TOGARAM1: variants seen among roughly 807,000 people sequenced by gnomAD.
TOGARAM1 encodes the protein TOG array regulator of axonemal microtubules protein 1.
A neutral mutation model predicts 166.6 loss-of-function variants in TOGARAM1; 100 were observed. The ratio of observed to expected loss-of-function variants is 0.60; its 90% CI spans 0.51 to 0.71. The LOEUF (loss-of-function observed/expected upper bound fraction) is 0.71. Ranked by LOEUF, TOGARAM1 falls within the 30% of genes least tolerant of loss-of-function variation. The pLI is 0.00. For synonymous variants in TOGARAM1, 758 were observed against 763.8 expected (o/e 0.99, Z 0.13); for missense variants, 2,029 against 2,102.7 (o/e 0.96, Z 0.69).
rs773809463 is a variant in TOGARAM1, at chr14:45,073,343, A to G, written c.5104A>G (p.Lys1702Glu). The G allele has an allele frequency of 3.7e-6, 6 of 1,614,214 alleles. No homozygotes were observed. Among genetic ancestry groups the G allele is most frequent in the South Asian group, 1.1e-5 (1 of 91,088 alleles). ...AAGGAAGCCGCATGCCACAGAGCAG[A>G]AAGTGTTGGTTGTTTTATGGCATCT... Reference protein sequence around the residue: ...YQRKPHATEQKVLVVLWHLLG... With the variant: ...YQRKPHATEQEVLVVLWHLLG... The change falls in exon 20 of 20, where the codon AAA becomes GAA. Residue 1702 changes from lysine to glutamate, a missense_variant. By Grantham distance (56) the Lys-to-Glu change is moderately conservative. Transcript: ENST00000361462.
intron 1 of TOGARAM1, among the ~76,000 whole-genome samples, chr14:44,970,465 A>G (rs1229656455): frequency 1.3e-5 from 2 of 152,138 alleles, no homozygotes; most frequent in African/African-American, 2.4e-5. Context: ...GAGACTTTCT[A>G]TGCAGACAAT....
intron 16 of TOGARAM1, among the ~76,000 whole-genome samples, chr14:45,064,518 T>C (rs920448004): frequency 1.3e-5 from 2 of 152,152 alleles, no homozygotes; most frequent in Non-Finnish European, 2.9e-5. Flanking sequence ...TCATCCAGGC[T>C]GGAGTGCAAT....
intron 12 of TOGARAM1, among the ~76,000 whole-genome samples, chr14:45,044,133 C>A (rs1486792700): frequency 6.6e-6 from 1 of 152,000 alleles, no homozygotes; most frequent in Non-Finnish European, 1.5e-5. Flanking sequence ...CCTCAGTCTC[C>A]CAAGTAGCTG....
intron 16 of TOGARAM1, among the ~76,000 whole-genome samples, chr14:45,065,687 G>A (rs1038992717): frequency 5.3e-5 from 8 of 152,254 alleles, no homozygotes; most frequent in African/African-American, 1.7e-4. Flanking sequence ...AACATAACAG[G>A]GCCCAAGACT....
chr14:45,036,466 A>G (rs1881443796), intron 11 of TOGARAM1, among the ~76,000 whole-genome samples: 1 of 152,228 alleles, frequency 6.6e-6, no homozygotes, highest in African/African-American at 2.4e-5. Context: ...TAGAGATTCA[A>G]AAAGATGTAT....
At chr14:45,003,134 T>A (rs184018678) in intron 3 of TOGARAM1, among the ~76,000 whole-genome samples, 2 of 152,268 alleles carry the variant, frequency 1.3e-5, no homozygotes, top group African/African-American at 4.8e-5. Context: ...CTCCTATATC[T>A]CTCTACCTAG....
chr14:45,021,674 A>T (rs1251113409), intron 7 of TOGARAM1, among the ~76,000 whole-genome samples: 2 of 152,048 alleles, frequency 1.3e-5, no homozygotes, highest in African/African-American at 4.8e-5. Flanking sequence ...CAGCCACTTT[A>T]ACCGCGGTTG....
At chr14:44,966,499 T>A (rs752158438) in intron 1 of TOGARAM1, among the ~76,000 whole-genome samples, 1 of 152,218 alleles carries the variant, frequency 6.6e-6, no homozygotes, top group South Asian at 2.1e-4. Flanking sequence ...CTAAAATAAA[T>A]TAATTACAAA....
rs1409178696 is a variant in TOGARAM1 at position 44,995,797 on chromosome 14, A to G, written c.2098A>G (p.Met700Val). The change falls in exon 2 of 20, where the codon ATG becomes GTG. Residue 700 changes from methionine to valine, a missense_variant. Met to Val is a conservative substitution (Grantham distance 21). Coordinates refer to ENST00000361462, the MANE Select transcript of TOGARAM1 (RefSeq NM_001308120.2). The part of the protein sequence containing the change: ...PSAKLKLSQG[M>V]PVNDDLCFSR... ...TGCAAAATTAAAGCTTTCTCAAGGA[A>G]TGCCAGTCAATGATGATTTATGTTT... is the stretch of plus-strand genomic sequence containing the variant. 1.2e-6 allele frequency: 2 copies of G among 1,603,228 alleles called. No homozygotes were observed. The highest frequency in any genetic ancestry group is 1.1e-5 in the South Asian group (1 of 88,632).
At chr14:44,965,202 A>G (rs929488986) in intron 1 of TOGARAM1, among the ~76,000 whole-genome samples, 3 of 152,180 alleles carry the variant, frequency 2.0e-5, no homozygotes, top group Non-Finnish European at 4.4e-5. Flanking sequence ...ATCTCGGCAT[A>G]TATCTCCTAA....
At chr14:45,018,168 T>C (rs1465596523) in intron 7 of TOGARAM1, among the ~76,000 whole-genome samples, 1 of 152,156 alleles carries the variant, frequency 6.6e-6, no homozygotes, top group Admixed American at 6.5e-5. Flanking sequence ...TGTAAGTAAA[T>C]AAAAAGCTGT....
At chr14:45,069,200 C>T (rs1883271084) in intron 18 of TOGARAM1, among the ~76,000 whole-genome samples, 2 of 151,910 alleles carry the variant, frequency 1.3e-5, no homozygotes, top group African/African-American at 4.8e-5. Flanking sequence ...GAAACCCCAT[C>T]TCTACTATAA....
At chr14:44,993,645 C>A (rs1352297506) in intron 1 of TOGARAM1, among the ~76,000 whole-genome samples, 2 of 152,118 alleles carry the variant, frequency 1.3e-5, no homozygotes, top group Non-Finnish European at 2.9e-5. Flanking sequence ...AAATCTTTTA[C>A]TTTTAAGAGA....
At chr14:45,047,921 T>G (rs1176973728) in intron 14 of TOGARAM1, among the ~76,000 whole-genome samples, 2 of 151,702 alleles carry the variant, frequency 1.3e-5, no homozygotes, top group African/African-American at 4.8e-5. Context: ...CCAGGCATGG[T>G]GGCACATGCC....
intron 1 of TOGARAM1, among the ~76,000 whole-genome samples, chr14:44,975,453 C>T (rs1460362016): frequency 2.0e-5 from 3 of 151,928 alleles, no homozygotes; most frequent in Non-Finnish European, 2.9e-5. Context: ...CCTAAACCAC[C>T]GTTCCCCTTT....
Position 44,963,706 on chromosome 14 carries a change from G to A in TOGARAM1, c.1285G>A (p.Val429Ile), listed in dbSNP as rs765929204. 37 of 1,613,774 alleles carry A rather than the reference G, an allele frequency of 2.3e-5. No homozygotes were observed. Among genetic ancestry groups the A allele is most frequent in the Non-Finnish European group, 2.8e-5 (33 of 1,180,028 alleles). Residue 429 changes from valine to isoleucine, a missense_variant, in exon 1 of 20, where the codon GTA becomes ATA. Physicochemically the swap from Val to Ile is conservative, Grantham distance 29. Around this residue, in one of 2 missense-constraint regions of TOGARAM1, gnomAD observed 1,453 missense variants for 1,432.2 expected, o/e 1.01. Transcript: ENST00000361462. ...HLLVIRLGEQVQQFLGPVIAA... is the reference protein window; with the variant it reads ...HLLVIRLGEQIQQFLGPVIAA... ...ACTGGTTATTCGCCTTGGAGAGCAG[G>A]TACAGCAGTTCTTGGGACCAGTTAT... is the stretch of plus-strand genomic sequence containing the variant.
intron 7 of TOGARAM1, among the ~76,000 whole-genome samples, chr14:45,020,626 T>C (rs574164665): frequency 6.6e-6 from 1 of 151,718 alleles, no homozygotes; most frequent in South Asian, 2.1e-4. Flanking sequence ...GCACTAAGAA[T>C]GAGAGGAAGC....
intron 11 of TOGARAM1, among the ~76,000 whole-genome samples, chr14:45,037,186 C>T (rs1252905968): frequency 1.3e-5 from 2 of 152,180 alleles, no homozygotes; most frequent in Non-Finnish European, 2.9e-5. Context: ...TTATTATGTG[C>T]CACACACACA....
intron 18 of TOGARAM1, among the ~76,000 whole-genome samples, chr14:45,069,679 A>C (rs1009973673): frequency 6.6e-6 from 1 of 152,166 alleles, no homozygotes; most frequent in East Asian, 1.9e-4. Flanking sequence ...TCACCACACA[A>C]GTATTAGAAC....
Sources: allele counts gnomAD v4.1 joint callset (sites outside exome capture counted in the v4.1 genomes callset), GRCh38; gene constraint gnomAD v4.1.1; regional missense constraint gnomAD v4.1.1; transcripts MANE v1.5; gene names NCBI Gene and HGNC (gene_info 2026-07-23, HGNC 2026-07-21).